Variants in TBC1D14 observed in about 807,000 individuals in gnomAD.
The protein encoded by TBC1D14 is TBC1 domain family, member 14.
Under a neutral mutation model 79.0 loss-of-function variants are expected in TBC1D14, and 26 were observed. That is an observed-to-expected ratio of 0.33 (90% CI 0.24 to 0.46). TBC1D14 has a LOEUF of 0.46. Ranked by LOEUF, TBC1D14 falls within the 20% of genes least tolerant of loss-of-function variation. The pLI is 1.00. For synonymous variants in TBC1D14, 394 were observed against 349.9 expected, an observed-to-expected ratio of 1.13 and a Z score of -1.40; for missense variants, 769 against 887.6, an observed-to-expected ratio of 0.87 and a Z score of 1.70.
chr4:6,947,058 C>G (rs1182510701), intron 2 of TBC1D14, among the ~76,000 whole-genome samples: 1 of 152,174 alleles, frequency 6.6e-6, no homozygotes, highest in Non-Finnish European at 1.5e-5. Flanking sequence ...ATCTCTCTCT[C>G]TCCTTGTAAA....
chr4:6,919,552 A>G (rs1043672039), intron 1 of TBC1D14, among the ~76,000 whole-genome samples: 1 of 152,112 alleles, frequency 6.6e-6, no homozygotes. Flanking sequence ...TTACTATAAC[A>G]TTGTGATTAA....
intron 7 of TBC1D14, 159 bp downstream of exon 7, chr4:7,001,410 G>A (rs1719661661): frequency 1.5e-6 from 1 of 646,962 alleles, no homozygotes; most frequent in Non-Finnish European, 2.7e-6. Context: ...CAGTTGGGAG[G>A]CCTGGGTTTA....
At chr4:6,966,346 T>C (rs951159305) in intron 2 of TBC1D14, among the ~76,000 whole-genome samples, 2 of 152,246 alleles carry the variant, frequency 1.3e-5, no homozygotes, top group African/African-American at 4.8e-5. Context: ...AATTTTATTT[T>C]GTGTTAATAC....
chr4:6,970,071 G>T (rs1292270004), intron 3 of TBC1D14, among the ~76,000 whole-genome samples: 2 of 152,228 alleles, frequency 1.3e-5, no homozygotes, highest in Non-Finnish European at 2.9e-5. Context: ...GCACTTGAGA[G>T]AGGCAGGCGC....
At chr4:6,968,116 A>C (rs1463176170) in intron 3 of TBC1D14, among the ~76,000 whole-genome samples, 1 of 152,078 alleles carries the variant, frequency 6.6e-6, no homozygotes, top group Non-Finnish European at 1.5e-5. Flanking sequence ...GTCTGCCCCA[A>C]GTGTCGCGAC....
rs1052267817 is a variant in TBC1D14, at chr4:6,924,894, TG to T, written c.722+788del. Reference sequence around the variant, plus strand: ...CATGACTTAGGGTGGGCTTGTGGCCTGGGGGTGGTGGGAGTGGACACCTTCG... The same window carrying T: ...CATGACTTAGGGTGGGCTTGTGGCCTGGGGTGGTGGGAGTGGACACCTTCG... On this transcript the variant is annotated intron_variant, in intron 2 of 13. Coordinates refer to ENST00000409757, the MANE Select transcript of TBC1D14 (RefSeq NM_020773.3). Among the ~76,000 whole-genome samples the T allele has an allele frequency of 8.5e-5, 13 of 152,184 alleles. No individual in the cohort carries two copies. In the East Asian group the frequency reaches 2.5e-3, roughly 29 times the overall value.
chr4:6,948,593 C>T (rs1180264417), intron 2 of TBC1D14, among the ~76,000 whole-genome samples: 2 of 152,060 alleles, frequency 1.3e-5, no homozygotes, highest in East Asian at 1.9e-4. Flanking sequence ...GTGGGTCTCC[C>T]GTGGGTCCCA....
intron 13 of TBC1D14, among the ~76,000 whole-genome samples, chr4:7,029,685 C>T (rs983170522): frequency 6.6e-6 from 1 of 152,126 alleles, no homozygotes; most frequent in African/African-American, 2.4e-5. Context: ...ATTAGCCAGG[C>T]GTGGTGGCAC....
chr4:6,944,078 C>T (rs1313863147), intron 2 of TBC1D14, among the ~76,000 whole-genome samples: 1 of 152,036 alleles, frequency 6.6e-6, no homozygotes, highest in South Asian at 2.1e-4. Flanking sequence ...AGCTTAGATA[C>T]GTTTCTTAAA....
At chr4:6,938,250 T>TG (rs564204027) in intron 2 of TBC1D14, among the ~76,000 whole-genome samples, 84 of 152,276 alleles carry the variant, frequency 5.5e-4, no homozygotes, top group Non-Finnish European at 9.1e-4. Context: ...ATCCCTCTTC[T>TG]GGGGGCTGCC....
intron 6 of TBC1D14, among the ~76,000 whole-genome samples, chr4:7,000,817 CT>C (rs1719594339): frequency 6.6e-6 from 1 of 152,208 alleles, no homozygotes; most frequent in Non-Finnish European, 1.5e-5. Context: ...CAAGCCATTG[CT>C]TTTTCCTGTG....
intron 3 of TBC1D14, among the ~76,000 whole-genome samples, chr4:6,967,863 G>GCCA (rs879423706): frequency 0.015 from 2,309 of 152,300 alleles, 55 homozygotes; most frequent in African/African-American, 0.053. Context: ...GGCTCTGCTG[G>GCCA]GATGCCTCTC....
chr4:6,999,373 G>T (rs995914827), intron 6 of TBC1D14, among the ~76,000 whole-genome samples, 171 bp downstream of exon 6: 7 of 152,042 alleles, frequency 4.6e-5, no homozygotes, highest in African/African-American at 1.7e-4. Context: ...CTTGCTTGGA[G>T]ACTGTGATAG....
intron 13 of TBC1D14, among the ~76,000 whole-genome samples, chr4:7,028,063 C>A (rs1322918739): frequency 6.8e-6 from 1 of 147,156 alleles, no homozygotes; most frequent in Non-Finnish European, 1.5e-5. Flanking sequence ...TGCATACCCA[C>A]ACACACACCT....
intron 1 of TBC1D14, among the ~76,000 whole-genome samples, chr4:6,919,811 G>A (rs1348347839): frequency 6.6e-6 from 1 of 152,038 alleles, no homozygotes; most frequent in Non-Finnish European, 1.5e-5. Flanking sequence ...AGTAGAGAGG[G>A]GGTTTCACCA....
intron 5 of TBC1D14, among the ~76,000 whole-genome samples, chr4:6,997,762 A>G (rs1316142556): frequency 6.6e-6 from 1 of 152,254 alleles, no homozygotes; most frequent in Non-Finnish European, 1.5e-5. Context: ...GAAACCAATC[A>G]ATCAAAACAG....
At chr4:6,982,155 T>G (rs1016898825) in intron 3 of TBC1D14, among the ~76,000 whole-genome samples, 1 of 152,206 alleles carries the variant, frequency 6.6e-6, no homozygotes, top group Non-Finnish European at 1.5e-5. Flanking sequence ...TGAAAACTTA[T>G]GTTTGCACAA....
intron 2 of TBC1D14, among the ~76,000 whole-genome samples, chr4:6,939,242 T>C (rs1019450569): frequency 5.3e-5 from 8 of 152,150 alleles, no homozygotes; most frequent in Non-Finnish European, 8.8e-5. Context: ...CCTGCTGTCC[T>C]CCTGCAGGCC....
chr4:6,973,553 A>C (rs1022041921), intron 3 of TBC1D14, among the ~76,000 whole-genome samples: 11 of 152,178 alleles, frequency 7.2e-5, no homozygotes, highest in African/African-American at 2.7e-4. Context: ...GAAAGCATGG[A>C]GCAGCTATTT....
Sources: gnomAD v4.1 joint callset for allele counts (sites outside exome capture counted in the v4.1 genomes callset) on GRCh38, gnomAD v4.1.1 for gene constraint, MANE v1.5 for transcripts, NCBI Gene and HGNC (gene_info 2026-07-23, HGNC 2026-07-21) for gene names.